TENT2: variants seen among roughly 807,000 people sequenced by gnomAD.
TENT2 encodes the protein poly(A) RNA polymerase GLD2.
In TENT2, 44 loss-of-function variants were observed where a neutral mutation model predicts 72.2. The ratio of observed to expected loss-of-function variants is 0.61; its 90% CI spans 0.48 to 0.78. The LOEUF is 0.78. TENT2 is among the 30% of genes least tolerant of loss of function. The pLI is 0.00. For missense variants in TENT2, 541 were observed against 569.6 expected (o/e 0.95, Z 0.51); for synonymous variants, 212 against 192.5 (o/e 1.10, Z -0.84).
chr5:79,681,945 A>G, intron 13 of TENT2, 37 bp from the exon 14 acceptor site: 1 of 1,539,208 alleles, frequency 6.5e-7, no homozygotes, highest in Non-Finnish European at 8.9e-7. Context: ...CTCTCATTTT[A>G]ATAATTTTTC....
intron 1 of TENT2, among the ~76,000 whole-genome samples, chr5:79,616,510 G>A (rs1473888653): frequency 6.7e-6 from 1 of 150,040 alleles, no homozygotes; most frequent in Non-Finnish European, 1.5e-5. Flanking sequence ...TAGAGATGGG[G>A]TTTTACCGTG....
At chr5:79,679,361 A>G (rs2150914316) in intron 12 of TENT2, among the ~76,000 whole-genome samples, 1 of 152,292 alleles carries the variant, frequency 6.6e-6, no homozygotes, top group East Asian at 1.9e-4. Context: ...GAATAACATA[A>G]TAAATAGTAA....
intron 12 of TENT2, among the ~76,000 whole-genome samples, chr5:79,674,821 A>G (rs1289919050): frequency 6.6e-6 from 1 of 152,242 alleles, no homozygotes; most frequent in Non-Finnish European, 1.5e-5. Context: ...GGAAGAAAGA[A>G]TCATTGAGAT....
At chr5:79,616,721 G>A (rs979579046) in intron 1 of TENT2, among the ~76,000 whole-genome samples, 1 of 152,160 alleles carries the variant, frequency 6.6e-6, no homozygotes, top group Non-Finnish European at 1.5e-5. Flanking sequence ...AATATGACAG[G>A]ATTATTTTCT....
intron 3 of TENT2, among the ~76,000 whole-genome samples, chr5:79,622,173 C>T (rs112457018): frequency 0.012 from 1,872 of 151,804 alleles, 43 homozygotes; most frequent in African/African-American, 0.043. Context: ...TCGTGGCGGG[C>T]GCCTGTAGTC....
intron 6 of TENT2, 35 bp downstream of exon 6, chr5:79,641,231 T>C: frequency 6.7e-7 from 1 of 1,489,054 alleles, no homozygotes; most frequent in Non-Finnish European, 9.0e-7. Flanking sequence ...AGTGTGTTTC[T>C]CATGTTAATG....
intron 12 of TENT2, among the ~76,000 whole-genome samples, chr5:79,676,183 C>T (rs1817159676): frequency 7.0e-6 from 1 of 143,214 alleles, no homozygotes; most frequent in Non-Finnish European, 1.5e-5. Context: ...CACACACACA[C>T]ACACACAGCC....
chr5:79,655,098 T>G lies in TENT2; in HGVS notation c.1028-1860T>G, dbSNP rs183512903. 2.6e-5 allele frequency among the ~76,000 whole-genome samples: 4 copies of G among 152,180 alleles called. No individual in the cohort carries two copies. The East Asian group carries it at 7.7e-4, about 29-fold the overall frequency. On this transcript the variant is annotated intron_variant, in intron 10 of 14. Coordinates refer to ENST00000453514, the MANE Select transcript of TENT2 (RefSeq NM_001114394.3). ...AATTCTGAAGTTAAAATAGTTGTTA[T>G]AGTCAGATTTTTCCAGAATTTACAT...
At chr5:79,625,933 AT>A (rs1344378355) in intron 4 of TENT2, among the ~76,000 whole-genome samples, 3 of 150,324 alleles carry the variant, frequency 2.0e-5, no homozygotes, top group Non-Finnish European at 4.4e-5. Context: ...GGTTCAAGCG[AT>A]TCTCCTGCTT....
In TENT2 at chr5:79,658,758, C is replaced by T. The variant is rs55784250; in HGVS notation, c.1071+1757C>T. On this transcript the variant is annotated intron_variant, in intron 11 of 14. Coordinates refer to ENST00000453514, the MANE Select transcript of TENT2 (RefSeq NM_001114394.3). ...TCTTTTTACTAATATAGGAGACTGG[C>T]GAAATATCAGTGTACTGTGGTTGGG... Among the ~76,000 whole-genome samples the T allele has an allele frequency of 4.7e-4, 71 of 152,064 alleles. 1 individual carries two copies. The highest frequency in any genetic ancestry group is 2.8e-4 in the Non-Finnish European group (19 of 67,998).
intron 7 of TENT2, among the ~76,000 whole-genome samples, chr5:79,643,558 C>T (rs1289845311): frequency 6.6e-6 from 1 of 152,116 alleles, no homozygotes; most frequent in Non-Finnish European, 1.5e-5. Flanking sequence ...ATTTGTTGAA[C>T]AGACATTCAT....
intron 1 of TENT2, 36 bp downstream of exon 1, chr5:79,613,111 A>G (rs1344274098): frequency 6.6e-6 from 1 of 152,172 alleles, no homozygotes; most frequent in African/African-American, 2.4e-5. Flanking sequence ...TTTAAAAGGC[A>G]TTTATCTTTT....
At chr5:79,643,673 G>A (rs944218958) in intron 7 of TENT2, among the ~76,000 whole-genome samples, 10 of 152,066 alleles carry the variant, frequency 6.6e-5, no homozygotes, top group African/African-American at 2.4e-4. Context: ...TATTTCAGTG[G>A]ACCTTCTGCA....
intron 4 of TENT2, among the ~76,000 whole-genome samples, chr5:79,628,979 G>A (rs1002431193): frequency 6.6e-6 from 1 of 152,196 alleles, no homozygotes; most frequent in Non-Finnish European, 1.5e-5. Flanking sequence ...GTTGGACATT[G>A]ACACAGGCAG....
chr5:79,683,215 A>G (rs1823417108), intron 14 of TENT2, among the ~76,000 whole-genome samples: 1 of 152,012 alleles, frequency 6.6e-6, no homozygotes, highest in Non-Finnish European at 1.5e-5. Context: ...ACACTTTGTG[A>G]GGCCAAGGCA....
chr5:79,668,106 C>T (rs1005670431), intron 11 of TENT2, among the ~76,000 whole-genome samples: 3 of 152,008 alleles, frequency 2.0e-5, no homozygotes, highest in African/African-American at 7.2e-5. Context: ...AGAGCCAGAA[C>T]TTGCTGTTAA....
chr5:79,626,408 C>T (rs192695798), intron 4 of TENT2, among the ~76,000 whole-genome samples: 9 of 150,240 alleles, frequency 6.0e-5, no homozygotes, highest in East Asian at 6.0e-4. Context: ...CCTGTGTTCG[C>T]GCTATTCTCC....
intron 10 of TENT2, among the ~76,000 whole-genome samples, chr5:79,654,945 A>G (rs1202354769): frequency 6.6e-6 from 1 of 152,154 alleles, no homozygotes; most frequent in Non-Finnish European, 1.5e-5. Context: ...CTATGGGCAA[A>G]GTAAAATTTT....
chr5:79,662,127 T>G (rs1395262241), intron 11 of TENT2, among the ~76,000 whole-genome samples: 1 of 152,212 alleles, frequency 6.6e-6, no homozygotes, highest in Non-Finnish European at 1.5e-5. Flanking sequence ...TACTTTTCTT[T>G]GCTCATCCAT....
Sources: gnomAD v4.1 joint callset for allele counts (sites outside exome capture counted in the v4.1 genomes callset) on GRCh38, gnomAD v4.1.1 for gene constraint, MANE v1.5 for transcripts, NCBI Gene and HGNC (gene_info 2026-07-23, HGNC 2026-07-21) for gene names.